CACNA2D4: variants seen among roughly 807,000 people sequenced by gnomAD.
CACNA2D4 encodes voltage-dependent calcium channel subunit alpha-2/delta-4.
A neutral mutation model predicts 163.8 loss-of-function variants in CACNA2D4; 157 were observed. The ratio of observed to expected loss-of-function variants is 0.96; its 90% CI spans 0.84 to 1.09. The LOEUF (loss-of-function observed/expected upper bound fraction) is 1.09, where lower values mean the gene tolerates loss of function less well. CACNA2D4 is among the 50% of genes least tolerant of loss of function. The pLI is 0.00. For synonymous variants in CACNA2D4, 598 were observed against 586.9 expected (o/e 1.02, Z -0.27); for missense variants, 1,410 against 1,479.9 (o/e 0.95, Z 0.78).
chr12:1,860,604 A>G (rs1036253506), intron 18 of CACNA2D4, among the ~76,000 whole-genome samples: 8 of 152,322 alleles, frequency 5.3e-5, no homozygotes, highest in Admixed American at 2.6e-4. Flanking sequence ...CCATGACTCT[A>G]TGGTTCCTAG....
At chr12:1,831,879 C>T (rs1021533021) in intron 26 of CACNA2D4, among the ~76,000 whole-genome samples, 2 of 152,092 alleles carry the variant, frequency 1.3e-5, no homozygotes, top group Admixed American at 6.5e-5. Context: ...CTTTGTATCC[C>T]GCCAAGTTTG....
intron 26 of CACNA2D4, among the ~76,000 whole-genome samples, chr12:1,839,416 G>T (rs1237025952): frequency 6.6e-6 from 1 of 152,252 alleles, no homozygotes; most frequent in Non-Finnish European, 1.5e-5. Flanking sequence ...CAGGCACGAA[G>T]AAACTGAAAG....
At chr12:1,811,155 C>T (rs936926172) in intron 27 of CACNA2D4, among the ~76,000 whole-genome samples, 3 of 152,082 alleles carry the variant, frequency 2.0e-5, no homozygotes, top group African/African-American at 4.8e-5. Context: ...AGGGGCTCGG[C>T]GTTGCAGGAG....
At chr12:1,888,964 TAAAC>T (rs1178133538) in intron 6 of CACNA2D4, among the ~76,000 whole-genome samples, 1 of 151,940 alleles carries the variant, frequency 6.6e-6, no homozygotes, top group Non-Finnish European at 1.5e-5. Context: ...AATAAATAAA[TAAAC>T]AAATACCACG....
chr12:1,826,636 G>T (rs1673099005), intron 26 of CACNA2D4, among the ~76,000 whole-genome samples: 1 of 152,206 alleles, frequency 6.6e-6, no homozygotes, highest in African/African-American at 2.4e-5. Context: ...TGGCACCCTC[G>T]CTGCGTGGGG....
In CACNA2D4 at chr12:1,879,871, G is replaced by C. The variant is rs375121955; in HGVS notation, c.1496C>G (p.Ser499Trp). 1 of 1,595,846 alleles carries C rather than the reference G, an allele frequency of 6.3e-7. No individual in the cohort carries two copies. The highest frequency in any genetic ancestry group is 1.7e-5 in the Admixed American group (1 of 57,376). The change falls in exon 14 of 38, where the codon TCG (serine) becomes TGG (tryptophan). Residue 499 changes from serine (S) to tryptophan (W), a missense_variant. Ser to Trp is a radical substitution (Grantham distance 177). Transcript: ENST00000382722. ...GAGCAGTGTCAGGCTCTGAGCCTGC[G>C]AGCTGAGGAGCTGTAAGGGAGGGGA... ...EAYMDSKLLS[S>W]QAQSLTLLTT...
intron 18 of CACNA2D4, among the ~76,000 whole-genome samples, chr12:1,864,219 T>A (rs1471131788): frequency 6.6e-6 from 1 of 152,218 alleles, no homozygotes; most frequent in Non-Finnish European, 1.5e-5. Context: ...CCGGAGACTC[T>A]CCCTTTGTAA....
intron 9 of CACNA2D4, 54 bp from the exon 10 acceptor site, chr12:1,885,130 G>C (rs1866105391): frequency 6.9e-7 from 1 of 1,447,886 alleles, no homozygotes; most frequent in East Asian, 2.3e-5. Flanking sequence ...GGCCAGTGGA[G>C]CTTCATGTTT....
In CACNA2D4 at chr12:1,792,190, A is replaced by T. The variant is rs1255534327; in HGVS notation, c.*1465T>A. 2 of 151,328 alleles carry T rather than the reference A, an allele frequency of 1.3e-5. No homozygotes were observed. Among genetic ancestry groups the T allele is most frequent in the Non-Finnish European group, 3.0e-5 (2 of 67,712 alleles). 9.4% of individuals were successfully genotyped at this position (151,328 alleles called of 1,614,324 possible). A position where few individuals can be genotyped will look rare whatever the true frequency, so the allele number is the denominator to read the frequency against. ...ATGTTATTTGGTACATGTAAACCTT[A>T]GCTGTTCTAGCATTATTCTGCCACT... On this transcript the variant is annotated 3_prime_UTR_variant, in exon 38 of 38. Coordinates refer to ENST00000382722, the MANE Select transcript of CACNA2D4 (RefSeq NM_172364.5).
At position 1,894,783 on chromosome 12, in the gene CACNA2D4, C is replaced by T. The variant is rs558427872; in HGVS notation, c.782-7714G>A. ...TAACAAACCCACAGGTAACATCATA[C>T]TGAATGGGGAAAATCTGAAAGCCTT... is the stretch of plus-strand genomic sequence containing the variant. On this transcript the variant is annotated intron_variant, in intron 6 of 37. Coordinates refer to ENST00000382722, the MANE Select transcript of CACNA2D4 (RefSeq NM_172364.5). 4.6e-5 allele frequency among the ~76,000 whole-genome samples: 7 copies of T among 152,214 alleles called. No homozygotes were observed. In the East Asian group the frequency reaches 1.2e-3, roughly 25 times the overall value.
intron 26 of CACNA2D4, among the ~76,000 whole-genome samples, chr12:1,813,283 C>G (rs550706369): frequency 6.6e-6 from 1 of 152,272 alleles, no homozygotes; most frequent in African/African-American, 2.4e-5. Context: ...CAGAGTTTCT[C>G]CTTCAGGGGG....
rs191463067 is a variant in CACNA2D4, at chr12:1,833,831, C to G, written c.2551+6908G>C. Among the ~76,000 whole-genome samples, 1 of 152,254 alleles carries G rather than the reference C, an allele frequency of 6.6e-6. No individual in the cohort carries two copies. Among genetic ancestry groups the G allele is most frequent in the East Asian group, 1.9e-4 (1 of 5,174 alleles). On this transcript the variant is annotated intron_variant, in intron 26 of 37. Transcript: ENST00000382722. This position sits in a 1 kb window ranked among gnomAD's most constrained non-coding sequence, Gnocchi z 4.2. The stretch of plus-strand genomic sequence containing the variant: ...TGTTGAGAACGGTATCCTGGGCTCA[C>G]AGACAGGTGATGAGCAGGCAGATTC...
chr12:1,817,956 T>C (rs1398602366), intron 26 of CACNA2D4, among the ~76,000 whole-genome samples: 2 of 149,192 alleles, frequency 1.3e-5, no homozygotes, highest in African/African-American at 5.1e-5. Flanking sequence ...TCGTCTGGGA[T>C]GTGAGGAGCC....
rs1156291625 is a variant in CACNA2D4 at position 1,844,006 on chromosome 12, C to T, written c.2470+396G>A. Among the ~76,000 whole-genome samples the T allele has an allele frequency of 2.0e-5, 3 of 152,190 alleles. No individual in the cohort carries two copies. Among genetic ancestry groups the T allele is most frequent in the Non-Finnish European group, 4.4e-5 (3 of 68,028 alleles). ...GGCAGCCCCACTGACTTAGTGAGTA[C>T]TGCAGCCCCTAATGAAACCACCCGT... On this transcript the variant is annotated intron_variant, in intron 25 of 37. Transcript: ENST00000382722. The surrounding 1 kb of genome is among the most constrained non-coding windows in gnomAD (Gnocchi z 4.2).
At chr12:1,909,760 C>T in intron 4 of CACNA2D4, 146 bp downstream of exon 4, 1 of 676,860 alleles carries the variant, frequency 1.5e-6, no homozygotes, top group Non-Finnish European at 2.6e-6. Context: ...GAGGCTAGCA[C>T]ATTGCTGTGC....
intron 26 of CACNA2D4, among the ~76,000 whole-genome samples, chr12:1,819,478 CAAAG>C (rs1409305916): frequency 1.3e-5 from 2 of 152,084 alleles, no homozygotes; most frequent in South Asian, 4.1e-4. Flanking sequence ...ACCCCTCCAG[CAAAG>C]CAGGCAAAAT....
intron 18 of CACNA2D4, among the ~76,000 whole-genome samples, chr12:1,866,888 C>T (rs982346024): frequency 6.6e-6 from 1 of 151,954 alleles, no homozygotes; most frequent in African/African-American, 2.4e-5. Context: ...CTTCCTTGGC[C>T]TCCCAAAACG....
chr12:1,870,290 G>T (rs1350596913), intron 18 of CACNA2D4, among the ~76,000 whole-genome samples: 1 of 152,112 alleles, frequency 6.6e-6, no homozygotes, highest in Non-Finnish European at 1.5e-5. Context: ...GCACCTCGAG[G>T]CTTCCCTGTG....
At chr12:1,882,073 A>G (rs1866015457) in intron 13 of CACNA2D4, among the ~76,000 whole-genome samples, 1 of 152,070 alleles carries the variant, frequency 6.6e-6, no homozygotes, top group South Asian at 2.1e-4. Flanking sequence ...TTCCCCTTCC[A>G]CAGCCTGATG....
Sources: allele counts gnomAD v4.1 joint callset (sites outside exome capture counted in the v4.1 genomes callset), GRCh38; gene constraint gnomAD v4.1.1; non-coding constraint Gnocchi (gnomAD v3.1); transcripts MANE v1.5; gene names NCBI Gene and HGNC (gene_info 2026-07-23, HGNC 2026-07-21).